The following KIAA1614 variants were observed in gnomAD, a reference collection of about 807,000 sequenced individuals.
The protein encoded by KIAA1614 is KIAA1614.
KIAA1614 carries 76 observed loss-of-function variants against 88.7 expected under a neutral mutation model. The observed-to-expected ratio is 0.86, with a 90% CI of 0.71 to 1.04. The LOEUF (loss-of-function observed/expected upper bound fraction) is 1.04. Ranked by LOEUF, KIAA1614 falls within the 50% of genes least tolerant of loss-of-function variation. The probability of loss-of-function intolerance (pLI) is 0.00; values close to 1 mark genes in which losing one functional copy is unlikely to be tolerated. For synonymous variants in KIAA1614, 714 were observed against 675.5 expected (o/e 1.06, Z -0.88); for missense variants, 1,553 against 1,582.5 (o/e 0.98, Z 0.32).
Position 180,950,448 on chromosome 1 carries a change from TG to T in KIAA1614, c.*4863del. On this transcript the variant is annotated 3_prime_UTR_variant, in exon 9 of 9. Transcript: ENST00000367588. ...GTGAACGGGGCCAAGGTGGCAGGGC[TG>T]GGCTTGGCTCACATTAAGGAGCTCC... 1 of 1,183,670 alleles carries T rather than the reference TG, an allele frequency of 8.4e-7. No homozygotes were observed. Among genetic ancestry groups the T allele is most frequent in the Non-Finnish European group, 1.1e-6 (1 of 935,414 alleles). The allele number at this position is 1,183,670 out of a possible 1,614,324, so 73.3% of individuals were successfully genotyped here. A position where few individuals can be genotyped will look rare whatever the true frequency, so the allele number is the denominator to read the frequency against.
intron 1 of KIAA1614, chr1:180,913,885 T>C (rs992950923): frequency 6.6e-6 from 1 of 152,252 alleles, no homozygotes; most frequent in African/African-American, 2.4e-5. Context: ...GATTAACTCA[T>C]AGAACAAATT....
rs188548456 is a variant in KIAA1614, at chr1:180,947,039, G to A, written c.*1451G>A. ...CAGGTGCTGGTATAGACAGGAGTGTGGGGAGGCTTTTCTGAGAAGATGACA... is the reference window on the plus strand; with the variant it reads ...CAGGTGCTGGTATAGACAGGAGTGTAGGGAGGCTTTTCTGAGAAGATGACA... On this transcript the variant is annotated 3_prime_UTR_variant, in exon 9 of 9. Transcript: ENST00000367588. 1.3e-5 allele frequency: 2 copies of A among 152,398 alleles called. No homozygotes were observed. 9.4% of individuals were successfully genotyped at this position (152,398 alleles called of 1,614,324 possible).
At position 180,935,473 on chromosome 1, in the gene KIAA1614, AG is replaced by A; in HGVS notation, c.1568del (p.Gly523AspfsTer54). 1 of 1,474,432 alleles carries A rather than the reference AG, an allele frequency of 6.8e-7. No homozygotes were observed. Among genetic ancestry groups the A allele is most frequent in the South Asian group, 1.4e-5 (1 of 72,040 alleles). The allele number at this position is 1,474,432 out of a possible 1,614,324, so 91.3% of individuals were successfully genotyped here. ...CAGGCTTGTGGGCAGCCTGGACCGC[AG>A]GGGACACCCGGCACCGCCGGCACCG... ...FHRLVGSLDR[R>X]GHPAPPAPGS... On this transcript the variant is annotated frameshift_variant, in exon 5 of 9. Coordinates refer to ENST00000367588, the MANE Select transcript of KIAA1614 (RefSeq NM_020950.2). LOFTEE classifies it high-confidence loss of function. The surrounding 1 kb of genome is among the most constrained non-coding windows in gnomAD (Gnocchi z 6.1).
chr1:180,930,518 C>T (rs1654174350), intron 4 of KIAA1614, among the ~76,000 whole-genome samples: 2 of 152,214 alleles, frequency 1.3e-5, no homozygotes, highest in Non-Finnish European at 2.9e-5. Context: ...CCAAGCAACT[C>T]TCCTGTTCTA....
In KIAA1614 at chr1:180,936,414, C is replaced by A; in HGVS notation, c.2505C>A (p.Asp835Glu). 1 of 1,614,208 alleles carries A rather than the reference C, an allele frequency of 6.2e-7. No individual in the cohort carries two copies. The highest frequency in any genetic ancestry group is 1.1e-5 in the South Asian group (1 of 91,082). Residue 835 changes from aspartate to glutamate, a missense_variant, in exon 5 of 9, where the codon GAC becomes GAA. Coordinates refer to ENST00000367588, the MANE Select transcript of KIAA1614 (RefSeq NM_020950.2). ...AALAGLLRLG[D>E]QTEPVGIPRP... is the part of the protein sequence containing the mutation. ...TGGCTGGACTGCTCAGGCTGGGTGA[C>A]CAGACAGAGCCTGTGGGTATCCCTC...
In KIAA1614 at chr1:180,936,414, CCAGA is replaced by C. The variant is rs752721442; in HGVS notation, c.2510_2513del (p.Thr837SerfsTer163). Reference sequence around the variant, plus strand: ...TGGCTGGACTGCTCAGGCTGGGTGACCAGACAGAGCCTGTGGGTATCCCTCGGCC... The same window carrying C: ...TGGCTGGACTGCTCAGGCTGGGTGACCAGAGCCTGTGGGTATCCCTCGGCC... On this transcript the variant is annotated frameshift_variant, in exon 5 of 9. Transcript: ENST00000367588. LOFTEE classifies it high-confidence loss of function. The C allele has an allele frequency of 1.4e-5, 23 of 1,614,090 alleles. No homozygotes were observed. The highest frequency in any genetic ancestry group is 5.0e-5 in the Admixed American group (3 of 60,004).
intron 1 of KIAA1614, among the ~76,000 whole-genome samples, chr1:180,914,975 G>A (rs1653745405): frequency 1.3e-5 from 2 of 150,984 alleles, no homozygotes; most frequent in Non-Finnish European, 3.0e-5. Context: ...CCAATTTTTT[G>A]TATTTTTAAT....
rs564954046 is a variant in KIAA1614 at position 180,949,160 on chromosome 1, C to G, written c.*3572C>G. The G allele has an allele frequency of 6.6e-6, 1 of 152,460 alleles. No homozygotes were observed. Among genetic ancestry groups the G allele is most frequent in the East Asian group, 1.9e-4 (1 of 5,190 alleles). 9.4% of individuals were successfully genotyped at this position (152,460 alleles called of 1,614,324 possible). On this transcript the variant is annotated 3_prime_UTR_variant, in exon 9 of 9. Coordinates refer to ENST00000367588, the MANE Select transcript of KIAA1614 (RefSeq NM_020950.2). ...GGAAGTGAAGACAGTAACGCGTGGG[C>G]AGTGGCCTCATGTCTGAAATGCAGA...
At chr1:180,944,663 G>C in intron 8 of KIAA1614, 147 bp downstream of exon 8, 1 of 861,064 alleles carries the variant, frequency 1.2e-6, no homozygotes, top group Non-Finnish European at 1.7e-6. Context: ...TGGAGACGAG[G>C]CTGCCACGGG....
chr1:180,940,060 TCA>T (rs1156642055), intron 6 of KIAA1614, among the ~76,000 whole-genome samples: 1 of 152,248 alleles, frequency 6.6e-6, no homozygotes, highest in East Asian at 1.9e-4. Context: ...AAGTGCCTGG[TCA>T]CAGTCTGCTT....
chr1:180,920,885 G>A (rs1653938851), intron 3 of KIAA1614, among the ~76,000 whole-genome samples: 1 of 152,238 alleles, frequency 6.6e-6, no homozygotes, highest in Admixed American at 6.5e-5. Context: ...AGGCTCAGTT[G>A]CAGAGGACTG....
intron 7 of KIAA1614, 138 bp downstream of exon 7, chr1:180,941,423 T>C: frequency 1.9e-6 from 2 of 1,064,838 alleles, no homozygotes; most frequent in Non-Finnish European, 2.7e-6. Context: ...GCTGCTGGCA[T>C]CCCCATGGTT....
intron 6 of KIAA1614, among the ~76,000 whole-genome samples, chr1:180,939,622 C>T (rs1654411061): frequency 6.6e-6 from 1 of 152,218 alleles, no homozygotes; most frequent in South Asian, 2.1e-4. Context: ...TACCTGCTCT[C>T]TGCCTTCACT....
chr1:180,935,451 G>T lies in KIAA1614; in HGVS notation c.1542G>T (p.Arg514Ser), dbSNP rs376337975. The change falls in exon 5 of 9, where the codon AGG becomes AGT. Residue 514 changes from arginine (R) to serine (S), a missense_variant. Arg to Ser is a moderately radical substitution (Grantham distance 110). Coordinates refer to ENST00000367588, the MANE Select transcript of KIAA1614 (RefSeq NM_020950.2). This position sits in a 1 kb window ranked among gnomAD's most constrained non-coding sequence, Gnocchi z 6.1. The part of the protein sequence containing the change: ...LRDAGQGTFH[R>S]LVGSLDRRGH... Reference sequence around the variant, plus strand: ...ACGCGGGGCAGGGGACATTCCACAGGCTTGTGGGCAGCCTGGACCGCAGGG... The same window carrying T: ...ACGCGGGGCAGGGGACATTCCACAGTCTTGTGGGCAGCCTGGACCGCAGGG... 6.8e-7 allele frequency: 1 copy of T among 1,473,748 alleles called. No individual in the cohort carries two copies. Among genetic ancestry groups the T allele is most frequent in the Non-Finnish European group, 8.9e-7 (1 of 1,118,904 alleles). 91.3% of individuals were successfully genotyped at this position (1,473,748 alleles called of 1,614,324 possible). A position where few individuals can be genotyped will look rare whatever the true frequency, so the allele number is the denominator to read the frequency against.
chr1:180,935,410 G>A lies in KIAA1614; in HGVS notation c.1501G>A (p.Ala501Thr), dbSNP rs980911349. 8 of 1,472,112 alleles carry A rather than the reference G, an allele frequency of 5.4e-6. No homozygotes were observed. Among genetic ancestry groups the A allele is most frequent in the Admixed American group, 4.9e-5 (2 of 40,738 alleles). 91.2% of individuals were successfully genotyped at this position (1,472,112 alleles called of 1,614,324 possible). The change falls in exon 5 of 9, where the codon GCT (alanine) becomes ACT (threonine). Residue 501 changes from alanine to threonine, a missense_variant. By Grantham distance (58) the Ala-to-Thr change is moderately conservative. Coordinates refer to ENST00000367588, the MANE Select transcript of KIAA1614 (RefSeq NM_020950.2). The surrounding 1 kb of genome is among the most constrained non-coding windows in gnomAD (Gnocchi z 6.1). ...CGACCTCGCCGACTACATCAACGGG[G>A]CTCCCCGGCTCCGGGACGCGGGGCA... ...KPDLADYINGAPRLRDAGQGT... is the reference protein window; with the variant it reads ...KPDLADYINGTPRLRDAGQGT...
At position 180,936,573 on chromosome 1, in the gene KIAA1614, G is replaced by A. The variant is rs758894090; in HGVS notation, c.2664G>A (p.Gly888=). 2 of 1,612,606 alleles carry A rather than the reference G, an allele frequency of 1.2e-6. No individual in the cohort carries two copies. Among genetic ancestry groups the A allele is most frequent in the South Asian group, 1.1e-5 (1 of 90,954 alleles). ...TNNCNNSAPR[G]LQEPYGGAVH... is the part of the protein sequence containing the mutation. ...ACTGCAACAACAGCGCACCTCGGGG[G>A]CTGCAGGAGCCCTACGGGGGAGCCG... Residue 888 remains glycine (G), a synonymous_variant, in exon 5 of 9, where the codon GGG becomes GGA. Transcript: ENST00000367588.
rs1289152924 is a variant in KIAA1614 at position 180,941,114 on chromosome 1, G to A, written c.2988G>A (p.Arg996=). ...CCCCTTTGGACCAGAACAAGAAAAG[G>A]AGCAGCAGCATAGCCTCCACCCTGG... ...SAAPLDQNKK[R]SSSIASTLGL... The change falls in exon 7 of 9, where the codon AGG becomes AGA. Residue 996 remains arginine (R), a synonymous_variant. Coordinates refer to ENST00000367588, the MANE Select transcript of KIAA1614 (RefSeq NM_020950.2). 2 of 1,607,996 alleles carry A rather than the reference G, an allele frequency of 1.2e-6. No homozygotes were observed. Among genetic ancestry groups the A allele is most frequent in the East Asian group, 2.2e-5 (1 of 44,496 alleles).
chr1:180,913,385 T>A, intron 1 of KIAA1614, 92 bp downstream of exon 1: 1 of 849,500 alleles, frequency 1.2e-6, no homozygotes, highest in Non-Finnish European at 1.6e-6. Flanking sequence ...CCCCGGCCAC[T>A]GGGAAGCGGG....
intron 3 of KIAA1614, among the ~76,000 whole-genome samples, chr1:180,920,367 T>C (rs1434953450): frequency 2.6e-5 from 4 of 152,236 alleles, no homozygotes; most frequent in Non-Finnish European, 5.9e-5. Flanking sequence ...TGGGGCTTAG[T>C]GTCTGTTCTA....
Sources: allele counts gnomAD v4.1 joint callset (sites outside exome capture counted in the v4.1 genomes callset), GRCh38; gene constraint gnomAD v4.1.1; non-coding constraint Gnocchi (gnomAD v3.1); transcripts MANE v1.5; gene names NCBI Gene and HGNC (gene_info 2026-07-23, HGNC 2026-07-21).